Variants in SLIT3 observed in about 807,000 individuals in gnomAD.
SLIT3 encodes the protein slit homolog 3 protein.
In SLIT3, 68 loss-of-function variants were observed where a neutral mutation model predicts 184.0. The ratio of observed to expected loss-of-function variants is 0.37; its 90% confidence interval spans 0.30 to 0.45. The LOEUF is 0.45. Ranked by LOEUF, SLIT3 falls within the 20% of genes least tolerant of loss-of-function variation. SLIT3 has a pLI of 1.00. For missense variants in SLIT3, 1,707 were observed against 2,026.0 expected, an observed-to-expected ratio of 0.84 and a Z score of 3.02; for synonymous variants, 831 against 828.6, an observed-to-expected ratio of 1.00 and a Z score of -0.05.
chr5:168,958,372 T>C (rs1331971681), intron 4 of SLIT3, among the ~76,000 whole-genome samples: 2 of 152,178 alleles, frequency 1.3e-5, no homozygotes, highest in East Asian at 3.9e-4. Context: ...TATATTCATG[T>C]CCAGCTGCCA....
intron 4 of SLIT3, among the ~76,000 whole-genome samples, chr5:168,918,092 T>C (rs949216115): frequency 2.6e-5 from 4 of 152,228 alleles, no homozygotes; most frequent in African/African-American, 7.2e-5. Context: ...TCTCCCTTTT[T>C]TTTTCCCAAC....
chr5:168,919,791 C>T (rs1004776720), intron 4 of SLIT3, among the ~76,000 whole-genome samples: 3 of 152,034 alleles, frequency 2.0e-5, no homozygotes, highest in Non-Finnish European at 4.4e-5. Flanking sequence ...CTAATAGTAA[C>T]ATTATGTTTT....
chr5:169,122,683 A>G (rs1348246327), intron 4 of SLIT3, among the ~76,000 whole-genome samples: 1 of 151,906 alleles, frequency 6.6e-6, no homozygotes, highest in African/African-American at 2.4e-5. Context: ...CACCATCACC[A>G]CCTCCTAGAA....
At chr5:169,214,939 T>C (rs1292914201) in intron 3 of SLIT3, among the ~76,000 whole-genome samples, 1 of 152,182 alleles carries the variant, frequency 6.6e-6, no homozygotes, top group Non-Finnish European at 1.5e-5. Flanking sequence ...GCCGTTCCCC[T>C]GGTCCAGGCT....
chr5:169,146,642 C>T (rs1040251230), intron 4 of SLIT3, among the ~76,000 whole-genome samples: 2 of 152,162 alleles, frequency 1.3e-5, no homozygotes, highest in African/African-American at 2.4e-5. Context: ...GGATGCTCTC[C>T]CTGCTTCTCT....
intron 14 of SLIT3, among the ~76,000 whole-genome samples, chr5:168,763,864 C>T (rs566511250): frequency 6.6e-6 from 1 of 152,318 alleles, no homozygotes; most frequent in East Asian, 1.9e-4. Flanking sequence ...AGTGGGGTGT[C>T]ATGAGCACCT....
chr5:168,669,770 A>C lies in SLIT3; in HGVS notation c.4336+13T>G. 2 of 1,611,600 alleles carry C rather than the reference A, an allele frequency of 1.2e-6. No homozygotes were observed. The highest frequency in any genetic ancestry group is 1.7e-6 in the Non-Finnish European group (2 of 1,178,888). ...CCCCCACTTCCTCCCTCCCACAGGC[A>C]CAGTAGACCCACCTTGTTGGCAGTG... On this transcript the variant is annotated intron_variant, in intron 35 of 35. Coordinates refer to ENST00000519560, the MANE Select transcript of SLIT3 (RefSeq NM_003062.4).
intron 4 of SLIT3, among the ~76,000 whole-genome samples, chr5:168,914,205 G>A (rs1473319094): frequency 6.6e-6 from 1 of 152,190 alleles, no homozygotes. Flanking sequence ...GGTCAAAAAG[G>A]CTATGTGCAC....
At chr5:169,111,425 T>C (rs1372169818) in intron 4 of SLIT3, among the ~76,000 whole-genome samples, 1 of 152,286 alleles carries the variant, frequency 6.6e-6, no homozygotes, top group African/African-American at 2.4e-5. Flanking sequence ...CCATAGAAGA[T>C]AGGTAAGCAT....
chr5:168,876,854 A>G (rs1759750970), intron 5 of SLIT3, among the ~76,000 whole-genome samples: 1 of 152,052 alleles, frequency 6.6e-6, no homozygotes, highest in African/African-American at 2.4e-5. Context: ...TTCCTATAGT[A>G]TATTATTCTT....
intron 4 of SLIT3, among the ~76,000 whole-genome samples, chr5:169,134,343 A>G (rs1761417851): frequency 6.6e-6 from 1 of 152,206 alleles, no homozygotes; most frequent in Non-Finnish European, 1.5e-5. Context: ...CACATGCTGC[A>G]GCCAGACTGG....
chr5:169,068,185 C>T (rs1272764397), intron 4 of SLIT3, among the ~76,000 whole-genome samples: 1 of 152,028 alleles, frequency 6.6e-6, no homozygotes. Context: ...TGTAAGGGAA[C>T]TCTCACTATG....
At chr5:169,259,524 C>A (rs1020488409) in intron 1 of SLIT3, among the ~76,000 whole-genome samples, 2 of 152,176 alleles carry the variant, frequency 1.3e-5, no homozygotes, top group African/African-American at 4.8e-5. Flanking sequence ...TTGCTCAGAC[C>A]AGACTTTTAA....
intron 8 of SLIT3, among the ~76,000 whole-genome samples, chr5:168,816,742 T>C (rs7733805): frequency 0.36 from 55,184 of 152,110 alleles, 10,329 homozygotes; most frequent in African/African-American, 0.44. Context: ...AAGGGCTGTG[T>C]ATTATGCTAA....
chr5:168,982,951 TC>T (rs1288702575), intron 4 of SLIT3, among the ~76,000 whole-genome samples: 1 of 152,194 alleles, frequency 6.6e-6, no homozygotes, highest in African/African-American at 2.4e-5. Flanking sequence ...ACAATCATTA[TC>T]CCCATGGTCC....
rs76617448 is a variant in SLIT3 at position 168,759,231 on chromosome 5, G to A, written c.1685+1631C>T. 6.6e-3 allele frequency among the ~76,000 whole-genome samples: 1,000 copies of A among 152,268 alleles called. 8 individuals are homozygous for A. The highest frequency in any genetic ancestry group is 9.4e-3 in the Non-Finnish European group (639 of 68,016). On this transcript the variant is annotated intron_variant, in intron 16 of 35. Transcript: ENST00000519560. ...GAACACTGCATTAGTGAATACCAAA[G>A]CATTGCTCTTAGGGAAATACAAGAT...
chr5:169,214,507 A>G (rs1433481513), intron 3 of SLIT3, among the ~76,000 whole-genome samples: 2 of 152,198 alleles, frequency 1.3e-5, no homozygotes, highest in African/African-American at 2.4e-5. Context: ...GGCCCTCTGG[A>G]GAGGCAAATA....
Position 169,136,118 on chromosome 5 carries a change from A to G in SLIT3, c.413+57361T>C, listed in dbSNP as rs111807139. Among the ~76,000 whole-genome samples the G allele has an allele frequency of 2.0e-3, 304 of 152,284 alleles. 5 individuals carry two copies. Among genetic ancestry groups the G allele is most frequent in the African/African-American group, 7.1e-3 (296 of 41,552 alleles). On this transcript the variant is annotated intron_variant, in intron 4 of 35. Transcript: ENST00000519560. ...TTTCTCTCTTTTCCTACCAAATAGGAGCTAGACTGGACATCACAGTCAGAA... is the reference window on the plus strand; with the variant it reads ...TTTCTCTCTTTTCCTACCAAATAGGGGCTAGACTGGACATCACAGTCAGAA...
chr5:169,165,074 T>C (rs1167641356), intron 4 of SLIT3, among the ~76,000 whole-genome samples: 1 of 152,200 alleles, frequency 6.6e-6, no homozygotes, highest in Non-Finnish European at 1.5e-5. Context: ...GCAAAACAAC[T>C]AGCAGAGTGC....
Sources: allele counts gnomAD v4.1 joint callset (sites outside exome capture counted in the v4.1 genomes callset), GRCh38; gene constraint gnomAD v4.1.1; transcripts MANE v1.5; gene names NCBI Gene and HGNC (gene_info 2026-07-23, HGNC 2026-07-21).